The following PALLD variants were observed in gnomAD, a reference collection of about 807,000 sequenced individuals.
The protein encoded by PALLD is palladin, cytoskeletal associated protein.
In PALLD, 61 loss-of-function variants were observed where a neutral mutation model predicts 123.5. The observed-to-expected ratio is 0.49, with a 90% CI of 0.40 to 0.61. PALLD has a LOEUF of 0.61. PALLD is among the 20% of genes least tolerant of loss of function. PALLD has a pLI of 0.00. For missense variants in PALLD, 1,273 were observed against 1,377.0 expected, an observed-to-expected ratio of 0.92 and a Z score of 1.20; for synonymous variants, 465 against 496.4, an observed-to-expected ratio of 0.94 and a Z score of 0.84.
At chr4:168,879,608 G>A (rs1015674295) in intron 10 of PALLD, among the ~76,000 whole-genome samples, 5 of 152,214 alleles carry the variant, frequency 3.3e-5, no homozygotes, top group African/African-American at 9.7e-5. Flanking sequence ...GCATTGCTAT[G>A]TCGGGCCTCG....
chr4:168,681,207 TTTA>T, intron 3 of PALLD, 122 bp from the exon 4 acceptor site: 1 of 669,390 alleles, frequency 1.5e-6, no homozygotes, highest in Non-Finnish European at 2.7e-6. Flanking sequence ...ATCACTCTAT[TTTA>T]TTGTGTGTTT....
chr4:168,916,663 T>C (rs912689429), intron 17 of PALLD, among the ~76,000 whole-genome samples: 3 of 151,016 alleles, frequency 2.0e-5, no homozygotes, highest in Non-Finnish European at 2.9e-5. Context: ...CTCTGACTTT[T>C]ATTCCTCCCA....
chr4:168,708,150 C>T (rs932899355), intron 8 of PALLD, among the ~76,000 whole-genome samples: 2 of 152,104 alleles, frequency 1.3e-5, no homozygotes, highest in Non-Finnish European at 2.9e-5. Flanking sequence ...ATAAAATGGG[C>T]TAATAATAAA....
intron 11 of PALLD, among the ~76,000 whole-genome samples, chr4:168,891,555 C>G (rs1754149489): frequency 6.6e-6 from 1 of 152,076 alleles, no homozygotes; most frequent in Non-Finnish European, 1.5e-5. Flanking sequence ...TCCTTCTATT[C>G]AGTCTTCACT....
chr4:168,923,641 C>T (rs566228467), intron 18 of PALLD, among the ~76,000 whole-genome samples: 1 of 151,518 alleles, frequency 6.6e-6, no homozygotes, highest in South Asian at 2.1e-4. Flanking sequence ...TTTTTATAAC[C>T]TTCAAAGAAT....
intron 10 of PALLD, among the ~76,000 whole-genome samples, chr4:168,842,995 C>T (rs578127565): frequency 6.7e-4 from 102 of 152,232 alleles, no homozygotes; most frequent in African/African-American, 2.2e-3. Context: ...GGGGGTCCCA[C>T]AAATGTGTAG....
At chr4:168,587,139 C>T (rs1049826606) in intron 2 of PALLD, among the ~76,000 whole-genome samples, 6 of 152,132 alleles carry the variant, frequency 3.9e-5, no homozygotes, top group African/African-American at 1.4e-4. Context: ...GCCCAAAATG[C>T]CTGCAGTGCT....
At chr4:168,756,670 G>A (rs1002603873) in intron 10 of PALLD, among the ~76,000 whole-genome samples, 4 of 152,330 alleles carry the variant, frequency 2.6e-5, no homozygotes, top group South Asian at 2.1e-4. Flanking sequence ...GAAGAGAACC[G>A]AGAGATCTGT....
chr4:168,570,327 A>G (rs927510899), intron 2 of PALLD, among the ~76,000 whole-genome samples: 6 of 152,136 alleles, frequency 3.9e-5, no homozygotes, highest in Non-Finnish European at 5.9e-5. Context: ...ATACAAACCC[A>G]TTCTGGCCAC....
chr4:168,737,808 A>G (rs1787910879), intron 10 of PALLD, among the ~76,000 whole-genome samples: 1 of 152,218 alleles, frequency 6.6e-6, no homozygotes. Flanking sequence ...TAACCCTTCC[A>G]AAGGGCGTAG....
rs561568688 is a variant in PALLD, at chr4:168,575,913, C to G, written c.908+63501C>G. Among the ~76,000 whole-genome samples the G allele has an allele frequency of 3.9e-4, 59 of 152,116 alleles. No individual in the cohort carries two copies. The South Asian group carries it at 8.7e-3, about 22-fold the overall frequency. On this transcript the variant is annotated intron_variant, in intron 2 of 21. Transcript: ENST00000505667. ...CTGCCCAGACCCTGCCACAAAATTC[C>G]GTTTCAATTAACCTTCAGGGAAGTA... is the stretch of plus-strand genomic sequence containing the variant.
intron 10 of PALLD, among the ~76,000 whole-genome samples, chr4:168,786,383 A>G (rs186802484): frequency 6.6e-6 from 1 of 152,196 alleles, no homozygotes; most frequent in Admixed American, 6.5e-5. Flanking sequence ...GCATAGAAAT[A>G]TGTTTACCTG....
At chr4:168,557,274 C>T (rs1253228188) in intron 2 of PALLD, among the ~76,000 whole-genome samples, 1 of 152,096 alleles carries the variant, frequency 6.6e-6, no homozygotes, top group African/African-American at 2.4e-5. Flanking sequence ...AAACTCGTGA[C>T]CTCAGGTGAT....
chr4:168,711,518 G>C, intron 9 of PALLD, 63 bp from the exon 10 acceptor site: 1 of 1,133,562 alleles, frequency 8.8e-7, no homozygotes, highest in Non-Finnish European at 1.3e-6. Context: ...CTCTGACAGT[G>C]TGAAATCACT....
chr4:168,683,571 A>T (rs975862451), intron 5 of PALLD, among the ~76,000 whole-genome samples: 2 of 152,204 alleles, frequency 1.3e-5, no homozygotes, highest in African/African-American at 4.8e-5. Flanking sequence ...TCTTGCTTTT[A>T]TTTTATTGTA....
At chr4:168,688,719 T>C (rs1403999092) in intron 6 of PALLD, among the ~76,000 whole-genome samples, 1 of 152,230 alleles carries the variant, frequency 6.6e-6, no homozygotes, top group Non-Finnish European at 1.5e-5. Context: ...ACTGTGGAGC[T>C]TTGACTGATT....
intron 10 of PALLD, among the ~76,000 whole-genome samples, chr4:168,862,396 C>T (rs1749624317): frequency 2.0e-5 from 3 of 152,072 alleles, no homozygotes; most frequent in Admixed American, 2.0e-4. Flanking sequence ...ATCCTCCCAC[C>T]TCAACCTCCC....
intron 10 of PALLD, among the ~76,000 whole-genome samples, chr4:168,801,417 T>C (rs1370169093): frequency 2.0e-5 from 3 of 152,174 alleles, no homozygotes; most frequent in Non-Finnish European, 2.9e-5. Context: ...TAGCTGGGAT[T>C]ATAGGCGCAT....
At chr4:168,623,400 T>A (rs189181215) in intron 2 of PALLD, among the ~76,000 whole-genome samples, 1 of 152,352 alleles carries the variant, frequency 6.6e-6, no homozygotes, top group East Asian at 1.9e-4. Flanking sequence ...ATGTGGTTCA[T>A]GAAATATCAC....
Sources: allele counts gnomAD v4.1 joint callset (sites outside exome capture counted in the v4.1 genomes callset), GRCh38; gene constraint gnomAD v4.1.1; transcripts MANE v1.5; gene names NCBI Gene and HGNC (gene_info 2026-07-23, HGNC 2026-07-21).